The following CCDC192 variants were observed in gnomAD, a reference collection of about 807,000 sequenced individuals.
The protein encoded by CCDC192 is coiled-coil domain-containing protein 192.
chr5:127,924,498 A>C (rs536467571), intron 6 of CCDC192, among the ~76,000 whole-genome samples: 1 of 152,334 alleles, frequency 6.6e-6, no homozygotes, highest in East Asian at 1.9e-4. Flanking sequence ...AACAAAAAAG[A>C]ATGAGACAAC....
chr5:127,811,661 C>A (rs557335189), intron 5 of CCDC192, among the ~76,000 whole-genome samples: 1 of 152,048 alleles, frequency 6.6e-6, no homozygotes, highest in Non-Finnish European at 1.5e-5. Context: ...TTGACTTTGC[C>A]TACTCTTTCA....
chr5:127,884,617 G>A (rs1752495933), intron 6 of CCDC192, among the ~76,000 whole-genome samples: 1 of 152,026 alleles, frequency 6.6e-6, no homozygotes, highest in Non-Finnish European at 1.5e-5. Flanking sequence ...TGCGGCCAAG[G>A]CAATGGGATA....
intron 2 of CCDC192, among the ~76,000 whole-genome samples, chr5:127,724,323 A>G (rs952787052): frequency 6.6e-6 from 1 of 152,220 alleles, no homozygotes; most frequent in Non-Finnish European, 1.5e-5. Flanking sequence ...GATCTTCCTT[A>G]CAATAGAAAC....
rs118152338 is a variant in CCDC192 at position 127,917,833 on chromosome 5, C to T, written c.536-23349C>T. Among the ~76,000 whole-genome samples the T allele has an allele frequency of 3.6e-3, 546 of 152,140 alleles. 21 individuals carry two copies. The East Asian group carries it at 0.079, about 22-fold the overall frequency. On this transcript the variant is annotated intron_variant, in intron 6 of 6. Coordinates refer to ENST00000514853, the MANE Select transcript of CCDC192 (RefSeq NM_001317938.2). ...GTGACATAGAGACACAAAGTGAGCACGTGCTGTTGAAAAAATGGCACTAAA... is the reference window on the plus strand; with the variant it reads ...GTGACATAGAGACACAAAGTGAGCATGTGCTGTTGAAAAAATGGCACTAAA...
intron 5 of CCDC192, among the ~76,000 whole-genome samples, chr5:127,848,285 T>C (rs1750651551): frequency 6.6e-6 from 1 of 152,188 alleles, no homozygotes; most frequent in South Asian, 2.1e-4. Flanking sequence ...ATAAAACAAC[T>C]TCACAACAAA....
At chr5:127,850,842 G>A (rs906313509) in intron 5 of CCDC192, among the ~76,000 whole-genome samples, 3 of 151,986 alleles carry the variant, frequency 2.0e-5, no homozygotes, top group East Asian at 3.9e-4. Flanking sequence ...GGCAGGCGCC[G>A]GTAATCCCAG....
intron 2 of CCDC192, among the ~76,000 whole-genome samples, chr5:127,750,525 T>C (rs1457036913): frequency 2.6e-5 from 4 of 151,668 alleles, no homozygotes; most frequent in African/African-American, 7.3e-5. Flanking sequence ...AGGAGTGCTT[T>C]ACTTCCAAGT....
At chr5:127,769,141 A>G (rs950609035) in intron 3 of CCDC192, among the ~76,000 whole-genome samples, 3 of 152,258 alleles carry the variant, frequency 2.0e-5, no homozygotes, top group Non-Finnish European at 4.4e-5. Flanking sequence ...ATTTTGGAGA[A>G]CAGACAATAA....
At chr5:127,814,321 A>C (rs1758241373) in intron 5 of CCDC192, among the ~76,000 whole-genome samples, 1 of 152,222 alleles carries the variant, frequency 6.6e-6, no homozygotes, top group South Asian at 2.1e-4. Flanking sequence ...TTAAGCATTA[A>C]AAACAAGTTA....
At chr5:127,715,190 A>C (rs1455763110) in intron 2 of CCDC192, among the ~76,000 whole-genome samples, 3 of 152,222 alleles carry the variant, frequency 2.0e-5, no homozygotes, top group African/African-American at 7.2e-5. Flanking sequence ...TATTCAAAAA[A>C]TCCTCACCCA....
chr5:127,778,946 A>C (rs150354325), intron 3 of CCDC192, among the ~76,000 whole-genome samples: 4 of 152,028 alleles, frequency 2.6e-5, no homozygotes, highest in African/African-American at 9.7e-5. Context: ...TTATTTCTGT[A>C]AAGTTGGAAG....
intron 3 of CCDC192, among the ~76,000 whole-genome samples, chr5:127,760,701 C>CAAAAAAA (rs56177728): frequency 1.8e-5 from 1 of 54,938 alleles, no homozygotes; most frequent in Admixed American, 2.1e-4. Flanking sequence ...GATTCTGTCT[C>CAAAAAAA]AAAAAAAAAA....
intron 2 of CCDC192, among the ~76,000 whole-genome samples, chr5:127,738,388 T>C (rs2126833244): frequency 7.4e-6 from 1 of 135,460 alleles, no homozygotes; most frequent in South Asian, 2.7e-4. Flanking sequence ...TCAACTTTGG[T>C]GAATCTGACA....
At chr5:127,853,778 G>GCAAA (rs771672852) in intron 5 of CCDC192, among the ~76,000 whole-genome samples, 16 of 151,920 alleles carry the variant, frequency 1.1e-4, no homozygotes, top group African/African-American at 2.9e-4. Flanking sequence ...GTCTCAAAAA[G>GCAAA]CAAACAAACA....
chr5:127,872,353 G>A (rs559738826), intron 5 of CCDC192, among the ~76,000 whole-genome samples: 1 of 152,298 alleles, frequency 6.6e-6, no homozygotes, highest in South Asian at 2.1e-4. Flanking sequence ...GGGACGCACA[G>A]GCTTTGTTAA....
rs1756594333 is a variant in CCDC192, at chr5:127,787,230, C to T, written c.223-9873C>T. ...CATCTCCATGGTACCCAAAAGGCTC[C>T]CCTGATGCCTCCACCTGGTCACCAG... On this transcript the variant is annotated intron_variant, in intron 3 of 6. Coordinates refer to ENST00000514853, the MANE Select transcript of CCDC192 (RefSeq NM_001317938.2). Among the ~76,000 whole-genome samples the T allele has an allele frequency of 2.0e-5, 3 of 152,252 alleles. No individual in the cohort carries two copies. In the South Asian group the frequency reaches 6.2e-4, roughly 32 times the overall value.
chr5:127,907,076 G>A (rs1753217905), intron 6 of CCDC192, among the ~76,000 whole-genome samples: 1 of 151,870 alleles, frequency 6.6e-6, no homozygotes, highest in African/African-American at 2.4e-5. Context: ...TAACAGGTGT[G>A]AAGTGTTAGC....
intron 5 of CCDC192, among the ~76,000 whole-genome samples, chr5:127,864,097 T>C (rs1215074930): frequency 6.6e-6 from 1 of 152,144 alleles, no homozygotes; most frequent in African/African-American, 2.4e-5. Context: ...TCATTGTCGC[T>C]CCCACTATTA....
intron 5 of CCDC192, among the ~76,000 whole-genome samples, chr5:127,874,163 G>C (rs1449459023): frequency 1.3e-5 from 2 of 152,132 alleles, no homozygotes; most frequent in Non-Finnish European, 2.9e-5. Context: ...TGAAAACCAG[G>C]CCTCTGTGTT....
Sources: allele counts gnomAD v4.1 joint callset (sites outside exome capture counted in the v4.1 genomes callset), GRCh38; gene constraint gnomAD v4.1.1; transcripts MANE v1.5; gene names NCBI Gene and HGNC (gene_info 2026-07-23, HGNC 2026-07-21).